Variants in RYR2 observed in about 807,000 individuals in gnomAD.
The protein encoded by RYR2 is cardiac muscle ryanodine receptor-calcium release channel.
RYR2 carries 227 observed loss-of-function variants against 601.1 expected under a neutral mutation model. The ratio of observed to expected loss-of-function variants is 0.38; its 90% CI spans 0.34 to 0.42. The LOEUF (loss-of-function observed/expected upper bound fraction) is 0.42. RYR2 is among the 10% of genes least tolerant of loss of function. RYR2 has a pLI of 1.00. For missense variants in RYR2, 4,646 were observed against 6,156.5 expected (o/e 0.75, Z 8.21); for synonymous variants, 2,223 against 2,175.1 (o/e 1.02, Z -0.61).
At chr1:237,099,097 G>T (rs1667796409) in intron 1 of RYR2, among the ~76,000 whole-genome samples, 1 of 57,574 alleles carries the variant, frequency 1.7e-5, no homozygotes, top group African/African-American at 3.6e-5. Context: ...TGAGAAGGTA[G>T]TGTGAACGGA....
intron 101 of RYR2, among the ~76,000 whole-genome samples, chr1:237,824,760 A>G (rs1662905185): frequency 6.6e-6 from 1 of 152,226 alleles, no homozygotes; most frequent in Non-Finnish European, 1.5e-5. Flanking sequence ...ACATGATTGT[A>G]TATTTAGAAA....
chr1:237,233,453 C>CT (rs142446294), intron 1 of RYR2, among the ~76,000 whole-genome samples: 2,861 of 151,276 alleles, frequency 0.019, 121 homozygotes, highest in East Asian at 0.16. Flanking sequence ...AGGTGGATAG[C>CT]TTTTTTTTTC....
At position 237,623,628 on chromosome 1, in the gene RYR2, G is replaced by A. The variant is rs1269007915; in HGVS notation, c.5917-137G>A. The A allele has an allele frequency of 2.6e-5, 15 of 576,472 alleles. No homozygotes were observed. The East Asian group carries it at 2.7e-4, about 10-fold the overall frequency. 35.7% of individuals were successfully genotyped at this position (576,472 alleles called of 1,614,324 possible). ...AGGCTGGTCTCAAAATCCTGACCTC[G>A]TGATCTGCCCACCTCAGCCTCCCAG... On this transcript the variant is annotated intron_variant, in intron 38 of 104. Transcript: ENST00000366574.
intron 77 of RYR2, among the ~76,000 whole-genome samples, chr1:237,731,325 A>G (rs965823038): frequency 6.6e-6 from 1 of 152,018 alleles, no homozygotes; most frequent in Admixed American, 6.6e-5. Flanking sequence ...ATGCTTAATA[A>G]TTTTCCTCGC....
intron 1 of RYR2, among the ~76,000 whole-genome samples, chr1:237,046,976 A>T (rs546466250): frequency 6.6e-6 from 1 of 152,346 alleles, no homozygotes; most frequent in African/African-American, 2.4e-5. Flanking sequence ...GGAAAAATGC[A>T]TAAACAAACT....
intron 1 of RYR2, among the ~76,000 whole-genome samples, chr1:237,196,522 G>A (rs187909): frequency 0.95 from 144,214 of 152,190 alleles, 68,624 homozygotes; most frequent in Non-Finnish European, 0.99. Flanking sequence ...TGGGGAGTTA[G>A]CTTCATTTTT....
intron 48 of RYR2, among the ~76,000 whole-genome samples, chr1:237,646,823 T>C (rs562409583): frequency 6.6e-6 from 1 of 152,300 alleles, no homozygotes; most frequent in African/African-American, 2.4e-5. Context: ...CGGGTGGATG[T>C]ATACAGCAGG....
chr1:237,626,013 A>G (rs560614152), intron 40 of RYR2, among the ~76,000 whole-genome samples: 1 of 152,214 alleles, frequency 6.6e-6, no homozygotes, highest in Non-Finnish European at 1.5e-5. Flanking sequence ...TAGCAGCATG[A>G]TAAAGATGGA....
chr1:237,380,382 A>G (rs1259908075), intron 8 of RYR2, among the ~76,000 whole-genome samples: 4 of 17,338 alleles, frequency 2.3e-4, no homozygotes, highest in African/African-American at 6.1e-4. Flanking sequence ...ATATATATAT[A>G]TATATATATA....
rs146131970 is a variant in RYR2 at position 237,162,401 on chromosome 1, A to T, written c.49-108096A>T. Among the ~76,000 whole-genome samples, 635 of 152,094 alleles carry T rather than the reference A, an allele frequency of 4.2e-3. 7 individuals carry two copies. Among genetic ancestry groups the T allele is most frequent in the African/African-American group, 0.015 (606 of 41,480 alleles). On this transcript the variant is annotated intron_variant, in intron 1 of 104. Coordinates refer to ENST00000366574, the MANE Select transcript of RYR2 (RefSeq NM_001035.3). ...TCCTCATGAATAACCTTAGTCTCTA[A>T]TCTCAAGGAGCTGAAAAATGGTTAA...
chr1:237,511,862 GGT>G, intron 24 of RYR2, 71 bp downstream of exon 24: 1 of 627,886 alleles, frequency 1.6e-6, no homozygotes, highest in Non-Finnish European at 2.5e-6. Flanking sequence ...AAAAAAAACA[GGT>G]ATTGATGCTA....
intron 66 of RYR2, among the ~76,000 whole-genome samples, chr1:237,704,570 T>A (rs1174872651): frequency 6.6e-6 from 1 of 152,102 alleles, no homozygotes; most frequent in Non-Finnish European, 1.5e-5. Flanking sequence ...TTCCTTCTTA[T>A]TGCTGTAGCT....
intron 24 of RYR2, among the ~76,000 whole-genome samples, chr1:237,525,989 AT>A (rs200819008): frequency 6.1e-4 from 92 of 150,096 alleles, no homozygotes; most frequent in Admixed American, 1.8e-3. Flanking sequence ...AAAAAAAAAA[AT>A]AATAATAATA....
chr1:237,658,314 A>G (rs1683445997), intron 54 of RYR2, among the ~76,000 whole-genome samples: 1 of 152,086 alleles, frequency 6.6e-6, no homozygotes, highest in South Asian at 2.1e-4. Flanking sequence ...TAAAAAAGCA[A>G]CAATCACCAA....
rs561946804 is a variant in RYR2, at chr1:237,665,702, C to T, written c.8437-810C>T. Among the ~76,000 whole-genome samples, 28 of 152,278 alleles carry T rather than the reference C, an allele frequency of 1.8e-4. No homozygotes were observed. The East Asian group carries it at 2.5e-3, about 14-fold the overall frequency. On this transcript the variant is annotated intron_variant, in intron 56 of 104. Coordinates refer to ENST00000366574, the MANE Select transcript of RYR2 (RefSeq NM_001035.3). Reference sequence around the variant, plus strand: ...CAAAACTGACCCGTAAGTTAAGTATCGCTCATGAGCCTGTTATTAGTTATA... The same window carrying T: ...CAAAACTGACCCGTAAGTTAAGTATTGCTCATGAGCCTGTTATTAGTTATA...
rs143424143 is a variant in RYR2 at position 237,445,793 on chromosome 1, C to T, written c.1292+271C>T. ...GATTTAATGACTACTTTTCCTTGTA[C>T]TGAACCTATTTAGTTCCTTTTTCTT... is the stretch of plus-strand genomic sequence containing the variant. On this transcript the variant is annotated intron_variant, in intron 14 of 104. Transcript: ENST00000366574. Among the ~76,000 whole-genome samples the T allele has an allele frequency of 2.5e-3, 386 of 152,126 alleles. 5 individuals are homozygous for T. Among genetic ancestry groups the T allele is most frequent in the African/African-American group, 8.6e-3 (359 of 41,534 alleles).
chr1:237,440,423 T>C (rs987555187), intron 12 of RYR2, among the ~76,000 whole-genome samples: 1 of 152,208 alleles, frequency 6.6e-6, no homozygotes, highest in South Asian at 2.1e-4. Flanking sequence ...CTTTGGCTTT[T>C]TCATTGCTGC....
chr1:237,795,836 GTATATATATATATGTATATGTATA>G (rs1659068078), intron 96 of RYR2, among the ~76,000 whole-genome samples: 3 of 132,692 alleles, frequency 2.3e-5, no homozygotes, highest in Admixed American at 7.7e-5. Context: ...GTGTGTGTGT[GTATATATATATATGTATATGTATA>G]TATATATATA....
In RYR2 at chr1:237,731,918, A is replaced by ACACACACC. The variant is rs753519564; in HGVS notation, c.10936-127_10936-126insACACACCC. The ACACACACC allele has an allele frequency of 7.2e-4, 438 of 607,160 alleles. 1 individual carries two copies. The highest frequency in any genetic ancestry group is 3.4e-3 in the African/African-American group (182 of 53,090). The allele number at this position is 607,160 out of a possible 1,614,324, so 37.6% of individuals were successfully genotyped here. A position where few individuals can be genotyped will look rare whatever the true frequency, so the allele number is the denominator to read the frequency against. On this transcript the variant is annotated intron_variant, in intron 77 of 104. Transcript: ENST00000366574. ...CACACACACACACACACACACACACACCCCACAACAGGGAAGGAGGAACGT... is the reference window on the plus strand; with the variant it reads ...CACACACACACACACACACACACACACACACACCCCCCACAACAGGGAAGGAGGAACGT...
Sources: allele counts gnomAD v4.1 joint callset (sites outside exome capture counted in the v4.1 genomes callset), GRCh38; gene constraint gnomAD v4.1.1; transcripts MANE v1.5; gene names NCBI Gene and HGNC (gene_info 2026-07-23, HGNC 2026-07-21).